Variants in NECAB1 observed in about 807,000 individuals in gnomAD.
NECAB1 encodes N-terminal EF-hand calcium-binding protein 1.
NECAB1 carries 29 observed loss-of-function variants against 57.5 expected under a neutral mutation model. The observed-to-expected ratio is 0.50, with a 90% CI of 0.38 to 0.69. NECAB1 has a LOEUF of 0.69. NECAB1 is among the 30% of genes least tolerant of loss of function. The pLI, the probability that NECAB1 is intolerant of heterozygous loss-of-function variation, is 0.00. For missense variants in NECAB1, 372 were observed against 413.8 expected, an observed-to-expected ratio of 0.90 and a Z score of 0.88; for synonymous variants, 142 against 147.7, an observed-to-expected ratio of 0.96 and a Z score of 0.28.
At chr8:90,853,977 G>A (rs1200456961) in intron 3 of NECAB1, among the ~76,000 whole-genome samples, 1 of 152,104 alleles carries the variant, frequency 6.6e-6, no homozygotes, top group East Asian at 1.9e-4. Flanking sequence ...GCAGATCGTT[G>A]GTTAGGCAAT....
intron 4 of NECAB1, among the ~76,000 whole-genome samples, chr8:90,875,343 C>T (rs1240038161): frequency 9.9e-5 from 15 of 150,774 alleles, no homozygotes; most frequent in East Asian, 2.0e-4. Context: ...TAGCCGGGCG[C>T]GGTGGCGGGC....
At chr8:90,911,825 T>G (rs1586116548) in intron 5 of NECAB1, among the ~76,000 whole-genome samples, 1 of 152,122 alleles carries the variant, frequency 6.6e-6, no homozygotes, top group East Asian at 1.9e-4. Flanking sequence ...ATAATATCCT[T>G]TCTCCAATGG....
intron 6 of NECAB1, among the ~76,000 whole-genome samples, chr8:90,917,912 A>G (rs1292778262): frequency 1.1e-4 from 12 of 113,984 alleles, no homozygotes; most frequent in Non-Finnish European, 2.0e-4. Flanking sequence ...GTGTATATAT[A>G]TACACACACA....
intron 2 of NECAB1, among the ~76,000 whole-genome samples, chr8:90,811,493 A>G (rs570222115): frequency 4.6e-5 from 7 of 152,328 alleles, no homozygotes; most frequent in Non-Finnish European, 1.0e-4. Context: ...ATGAATAAAA[A>G]TTCAGATAGC....
intron 12 of NECAB1, among the ~76,000 whole-genome samples, chr8:90,951,964 A>G (rs1398313852): frequency 6.6e-6 from 1 of 152,198 alleles, no homozygotes; most frequent in African/African-American, 2.4e-5. Context: ...CAAATGCAAG[A>G]AGTGTGAATG....
At chr8:90,916,950 C>T (rs1809968087) in intron 5 of NECAB1, among the ~76,000 whole-genome samples, 1 of 152,190 alleles carries the variant, frequency 6.6e-6, no homozygotes, top group Non-Finnish European at 1.5e-5. Context: ...TTTAAATACT[C>T]CAATCCTAAC....
chr8:90,871,640 C>T (rs1440562973), intron 3 of NECAB1, among the ~76,000 whole-genome samples: 1 of 152,092 alleles, frequency 6.6e-6, no homozygotes, highest in African/African-American at 2.4e-5. Flanking sequence ...CTTATGATAG[C>T]TAACATTCAT....
At chr8:90,827,165 C>T (rs73313070) in intron 3 of NECAB1, among the ~76,000 whole-genome samples, 2,918 of 152,022 alleles carry the variant, frequency 0.019, 101 homozygotes, top group African/African-American at 0.066. Context: ...TTAACAAATG[C>T]ACTATATATG....
In NECAB1 at chr8:90,791,982, C is replaced by T. The variant is rs201464173; in HGVS notation, c.96C>T (p.Leu32=). 1.3e-6 allele frequency: 2 copies of T among 1,551,758 alleles called. No individual in the cohort carries two copies. The highest frequency in any genetic ancestry group is 1.4e-5 in the African/African-American group (1 of 73,198). Residue 32 remains leucine (L), a synonymous_variant, in exon 1 of 13, where the codon CTC becomes CTT. Coordinates refer to ENST00000417640, the MANE Select transcript of NECAB1 (RefSeq NM_022351.5). ...TGTCCAAGGGCATGTCGATCTTCCT[C>T]GACGTAAGTACAGATGGTGGGAGCT... ...LHLSKGMSIF[L]DILRRADKND... is the part of the protein sequence containing the mutation.
intron 6 of NECAB1, among the ~76,000 whole-genome samples, chr8:90,921,123 TCTC>T (rs1354928014): frequency 6.6e-6 from 1 of 152,096 alleles, no homozygotes; most frequent in African/African-American, 2.4e-5. Context: ...TTCAAGCAAT[TCTC>T]CTGTCTTAGC....
At chr8:90,811,640 C>G (rs552476410) in intron 2 of NECAB1, among the ~76,000 whole-genome samples, 6 of 152,118 alleles carry the variant, frequency 3.9e-5, no homozygotes, top group Admixed American at 6.5e-5. Context: ...GCTTTGAGTA[C>G]AGCTTTATCT....
chr8:90,827,098 G>A (rs1812238005), intron 3 of NECAB1, among the ~76,000 whole-genome samples: 1 of 151,946 alleles, frequency 6.6e-6, no homozygotes, highest in East Asian at 1.9e-4. Context: ...AAATTTTGGA[G>A]CTATATTTGA....
rs531098282 is a variant in NECAB1, at chr8:90,813,607, A to G, written c.125-11110A>G. ...AAGTGGCGTAATCATAGCTCACTAT[A>G]ACCTTGAATTCCTGGGTTCAAGTGA... On this transcript the variant is annotated intron_variant, in intron 2 of 12. Coordinates refer to ENST00000417640, the MANE Select transcript of NECAB1 (RefSeq NM_022351.5). Among the ~76,000 whole-genome samples the G allele has an allele frequency of 8.5e-4, 129 of 152,232 alleles. 1 individual carries two copies. The highest frequency in any genetic ancestry group is 5.7e-3 in the Admixed American group (87 of 15,296).
intron 2 of NECAB1, among the ~76,000 whole-genome samples, chr8:90,819,890 A>G (rs1163062726): frequency 1.3e-5 from 2 of 151,680 alleles, no homozygotes; most frequent in South Asian, 4.2e-4. Flanking sequence ...ATTTCTTGAT[A>G]ACTCTTCCCC....
intron 5 of NECAB1, among the ~76,000 whole-genome samples, chr8:90,891,630 G>C (rs1350808006): frequency 6.6e-6 from 1 of 151,584 alleles, no homozygotes; most frequent in East Asian, 1.9e-4. Context: ...AGTCACAGAA[G>C]GAATTAAGAA....
intron 2 of NECAB1, among the ~76,000 whole-genome samples, chr8:90,805,694 A>C (rs552028098): frequency 1.3e-4 from 19 of 151,970 alleles, no homozygotes; most frequent in Non-Finnish European, 2.4e-4. Context: ...ATGGGTATTT[A>C]TACAATTTGC....
rs1809677192 is a variant in NECAB1, at chr8:90,906,889, A to ATATATATATGTATATATATATG, written c.358-10594_358-10593insGTATATATATATGTATATATAT. Reference sequence around the variant, plus strand: ...ATATGATATACACATATATATATATATATATATATATATATATATATCTTC... The same window carrying ATATATATATGTATATATATATG: ...ATATGATATACACATATATATATATATATATATATGTATATATATATGTATATATATATATATATATATCTTC... On this transcript the variant is annotated intron_variant, in intron 5 of 12. Coordinates refer to ENST00000417640, the MANE Select transcript of NECAB1 (RefSeq NM_022351.5). Among the ~76,000 whole-genome samples the ATATATATATGTATATATATATG allele has an allele frequency of 8.2e-5, 6 of 72,856 alleles. 1 individual carries two copies. Among genetic ancestry groups the ATATATATATGTATATATATATG allele is most frequent in the African/African-American group, 3.4e-4 (6 of 17,400 alleles). 47.8% of individuals were successfully genotyped at this position (72,856 alleles called of 152,430 possible). A position where few individuals can be genotyped will look rare whatever the true frequency, so the allele number is the denominator to read the frequency against.
intron 9 of NECAB1, among the ~76,000 whole-genome samples, chr8:90,937,110 C>T (rs891959012): frequency 3.9e-5 from 6 of 152,116 alleles, no homozygotes; most frequent in Non-Finnish European, 8.8e-5. Flanking sequence ...TTATGCAGTG[C>T]TGTTGAGTTT....
chr8:90,879,616 T>C (rs1808801612), intron 4 of NECAB1, among the ~76,000 whole-genome samples: 1 of 152,214 alleles, frequency 6.6e-6, no homozygotes, highest in African/African-American at 2.4e-5. Flanking sequence ...TCAGTTCTGA[T>C]ATTCATTATT....
Sources: gnomAD v4.1 joint callset for allele counts (sites outside exome capture counted in the v4.1 genomes callset) on GRCh38, gnomAD v4.1.1 for gene constraint, MANE v1.5 for transcripts, NCBI Gene and HGNC (gene_info 2026-07-23, HGNC 2026-07-21) for gene names.